DLGAP2: variants seen among roughly 807,000 people sequenced by gnomAD.
DLGAP2 encodes the protein disks large-associated protein 2.
In DLGAP2, 26 loss-of-function variants were observed where a neutral mutation model predicts 100.3. The observed-to-expected ratio is 0.26, with a 90% CI of 0.19 to 0.36. DLGAP2 has a LOEUF of 0.36. DLGAP2 is among the 10% of genes least tolerant of loss of function. The pLI is 1.00. For synonymous variants in DLGAP2, 886 were observed against 630.1 expected (o/e 1.41, Z -6.08); for missense variants, 1,858 against 1,453.2 (o/e 1.28, Z -4.53).
chr8:743,568 T>C (rs969480620), intron 1 of DLGAP2, among the ~76,000 whole-genome samples: 3 of 152,220 alleles, frequency 2.0e-5, no homozygotes, highest in Admixed American at 1.3e-4. Flanking sequence ...TTGGTATTTA[T>C]TTACTTACTT....
chr8:1,571,150 TTCTGG>T, intron 6 of DLGAP2, among the ~76,000 whole-genome samples: 2 of 113,788 alleles, frequency 1.8e-5, no homozygotes, highest in African/African-American at 4.1e-5. Flanking sequence ...TGGGGGCATC[TTCTGG>T]GATGGAGAGG....
intron 2 of DLGAP2, among the ~76,000 whole-genome samples, chr8:1,122,854 G>A (rs905938947): frequency 6.6e-6 from 1 of 150,986 alleles, no homozygotes; most frequent in African/African-American, 2.4e-5. Flanking sequence ...AGCTCCCCTC[G>A]TATTTGATGG....
chr8:774,124 T>G (rs1414809387), intron 1 of DLGAP2, among the ~76,000 whole-genome samples: 1 of 152,200 alleles, frequency 6.6e-6, no homozygotes, highest in Non-Finnish European at 1.5e-5. Flanking sequence ...TTTCATGTGT[T>G]TTTTGGCTGC....
intron 3 of DLGAP2, among the ~76,000 whole-genome samples, chr8:1,282,296 C>T (rs1470939102): frequency 3.4e-5 from 5 of 149,124 alleles, no homozygotes; most frequent in South Asian, 4.3e-4. Flanking sequence ...GACCTGAACC[C>T]AGCGCCCTGA....
intron 2 of DLGAP2, among the ~76,000 whole-genome samples, chr8:1,041,101 A>T (rs1802334582): frequency 6.6e-6 from 1 of 152,124 alleles, no homozygotes; most frequent in Admixed American, 6.5e-5. Flanking sequence ...TCCTAAGGGG[A>T]GGTATCTGTC....
chr8:908,757 G>T (rs529521371), intron 2 of DLGAP2, among the ~76,000 whole-genome samples: 2 of 152,170 alleles, frequency 1.3e-5, no homozygotes, highest in Non-Finnish European at 2.9e-5. Context: ...CGTGTGAGGG[G>T]CTCTGCAAGC....
intron 2 of DLGAP2, among the ~76,000 whole-genome samples, chr8:937,166 G>A (rs1442376173): frequency 6.6e-6 from 1 of 152,170 alleles, no homozygotes; most frequent in Non-Finnish European, 1.5e-5. Flanking sequence ...GCCTGACGAG[G>A]TGCTGCCTGT....
chr8:1,309,769 CTA>C (rs946024161), intron 3 of DLGAP2, among the ~76,000 whole-genome samples: 2 of 152,236 alleles, frequency 1.3e-5, no homozygotes, highest in Non-Finnish European at 2.9e-5. Flanking sequence ...AAGTGTACGT[CTA>C]TGTTACCGTG....
chr8:1,116,972 A>T (rs1473228972), intron 2 of DLGAP2, among the ~76,000 whole-genome samples: 3 of 152,208 alleles, frequency 2.0e-5, no homozygotes. Flanking sequence ...GGGAGATCCC[A>T]GGATCGCTTC....
Position 1,165,301 on chromosome 8 carries a change from G to C in DLGAP2, c.74-93550G>C, listed in dbSNP as rs1250898323. Among the ~76,000 whole-genome samples the C allele has an allele frequency of 2.1e-5, 3 of 142,648 alleles. No individual in the cohort carries two copies. The Admixed American group carries it at 2.2e-4, about 10-fold the overall frequency. 93.6% of individuals were successfully genotyped at this position (142,648 alleles called of 152,430 possible). On this transcript the variant is annotated intron_variant, in intron 2 of 14. Coordinates refer to ENST00000637795, the MANE Select transcript of DLGAP2 (RefSeq NM_001346810.2). ...AGACAGAGATGGGGAGAGAGACAGG[G>C]AGAGAGAGAGAGAGCACGCGCATAC... is the stretch of plus-strand genomic sequence containing the variant.
chr8:1,063,031 G>T (rs192514784), intron 2 of DLGAP2, among the ~76,000 whole-genome samples: 7 of 152,178 alleles, frequency 4.6e-5, no homozygotes, highest in African/African-American at 7.2e-5. Flanking sequence ...ATTAAGACCT[G>T]TGTTTTTCTA....
chr8:1,449,288 C>T (rs1383535140), intron 3 of DLGAP2, among the ~76,000 whole-genome samples: 1 of 152,156 alleles, frequency 6.6e-6, no homozygotes, highest in African/African-American at 2.4e-5. Context: ...TGTTCTGAGA[C>T]AGGGTCGGGC....
At chr8:1,007,107 C>T (rs1801138432) in intron 2 of DLGAP2, among the ~76,000 whole-genome samples, 1 of 151,792 alleles carries the variant, frequency 6.6e-6, no homozygotes, top group Non-Finnish European at 1.5e-5. Flanking sequence ...GTCGGGGACG[C>T]CGTGTGTCTG....
intron 2 of DLGAP2, among the ~76,000 whole-genome samples, chr8:942,154 G>A (rs965371639): frequency 1.3e-5 from 2 of 152,178 alleles, no homozygotes; most frequent in Non-Finnish European, 2.9e-5. Flanking sequence ...TGCACTGTTT[G>A]CTCAGGATGG....
At chr8:1,596,515 C>T (rs1039926271) in intron 6 of DLGAP2, among the ~76,000 whole-genome samples, 40 of 152,168 alleles carry the variant, frequency 2.6e-4, no homozygotes, top group Admixed American at 2.2e-3. Context: ...CCTATTTTTC[C>T]TTATCATCTC....
At chr8:1,208,474 A>T (rs1798040798) in intron 2 of DLGAP2, among the ~76,000 whole-genome samples, 1 of 152,248 alleles carries the variant, frequency 6.6e-6, no homozygotes. Context: ...GAAGGGACAT[A>T]CTTTAAGTTT....
At chr8:826,926 T>C (rs925623854) in intron 1 of DLGAP2, among the ~76,000 whole-genome samples, 15 of 152,196 alleles carry the variant, frequency 9.9e-5, no homozygotes, top group African/African-American at 3.6e-4. Context: ...ATCCAGTCTT[T>C]CCATTCTCTC....
chr8:1,431,724 G>T lies in DLGAP2; in HGVS notation c.107-69642G>T, dbSNP rs561828056. ...ACTGGCTCCCGGGCTTACTCTCCTG[G>T]GCTATTGGGCAGCTTACTCAGCCTT... On this transcript the variant is annotated intron_variant, in intron 3 of 14. Transcript: ENST00000637795. Among the ~76,000 whole-genome samples the T allele has an allele frequency of 3.9e-5, 6 of 152,094 alleles. No individual in the cohort carries two copies. In the East Asian group the frequency reaches 1.2e-3, roughly 29 times the overall value.
At chr8:787,561 C>T (rs1163568618) in intron 1 of DLGAP2, among the ~76,000 whole-genome samples, 1 of 152,232 alleles carries the variant, frequency 6.6e-6, no homozygotes, top group Non-Finnish European at 1.5e-5. Context: ...CTCTGTCTCC[C>T]CTGCAGCCTT....
Sources: allele counts gnomAD v4.1 joint callset (sites outside exome capture counted in the v4.1 genomes callset), GRCh38; gene constraint gnomAD v4.1.1; transcripts MANE v1.5; gene names NCBI Gene and HGNC (gene_info 2026-07-23, HGNC 2026-07-21).